Variants in MDGA2 observed in about 807,000 individuals in gnomAD.
MDGA2 encodes MAM domain-containing glycosylphosphatidylinositol anchor protein 2.
In MDGA2, 40 loss-of-function variants were observed where a neutral mutation model predicts 117.8. That is an observed-to-expected ratio of 0.34 (90% confidence interval 0.26 to 0.44). The LOEUF (loss-of-function observed/expected upper bound fraction) is 0.44. Among genes scored for constraint, MDGA2 ranks in the 20% least tolerant of loss-of-function variants. MDGA2 has a pLI of 1.00. For missense variants in MDGA2, 1,123 were observed against 1,250.6 expected (o/e 0.90, Z 1.54); for synonymous variants, 452 against 439.0 (o/e 1.03, Z -0.37).
intron 8 of MDGA2, among the ~76,000 whole-genome samples, chr14:46,998,236 G>A (rs1218327116): frequency 2.6e-5 from 4 of 152,040 alleles, no homozygotes; most frequent in Non-Finnish European, 4.4e-5. Context: ...TTGATCCCAC[G>A]AGTTTGAGAC....
At chr14:47,028,165 A>G (rs940763863) in intron 8 of MDGA2, among the ~76,000 whole-genome samples, 3 of 152,178 alleles carry the variant, frequency 2.0e-5, no homozygotes, top group African/African-American at 7.2e-5. Flanking sequence ...CATTATCCTT[A>G]TAGTGGCAAT....
At chr14:46,974,459 C>G (rs530768184) in intron 8 of MDGA2, among the ~76,000 whole-genome samples, 1 of 152,106 alleles carries the variant, frequency 6.6e-6, no homozygotes, top group East Asian at 1.9e-4. Flanking sequence ...AAGACTCGCA[C>G]TTCTTGATTT....
chr14:47,341,099 TCA>T (rs1395734922), intron 1 of MDGA2, among the ~76,000 whole-genome samples: 5 of 152,292 alleles, frequency 3.3e-5, no homozygotes, highest in Admixed American at 3.3e-4. Flanking sequence ...GAAACTGCAT[TCA>T]GTTTCATCTG....
intron 3 of MDGA2, among the ~76,000 whole-genome samples, chr14:47,161,668 A>AT: frequency 6.6e-6 from 1 of 151,588 alleles, no homozygotes; most frequent in Non-Finnish European, 1.5e-5. Context: ...TAAAGCAAAA[A>AT]TTTTAGATGC....
rs550237880 is a variant in MDGA2 at position 47,375,080 on chromosome 14, T to C, written c.281-73530A>G. 6.5e-4 allele frequency among the ~76,000 whole-genome samples: 99 copies of C among 151,372 alleles called. 1 individual carries two copies. In the South Asian group the frequency reaches 0.02, roughly 30 times the overall value. ...TGGTTACTTAACCTTTCAAAACCTG[T>C]TTTTTTTAATTTTTTTAAAATTTTT... On this transcript the variant is annotated intron_variant, in intron 1 of 16. Coordinates refer to ENST00000399232, the MANE Select transcript of MDGA2 (RefSeq NM_001113498.3).
At chr14:46,952,256 T>C (rs1226325703) in intron 9 of MDGA2, among the ~76,000 whole-genome samples, 1 of 151,862 alleles carries the variant, frequency 6.6e-6, no homozygotes. Context: ...AAAAAGTGTC[T>C]AAAATTATTG....
At chr14:47,015,625 G>A (rs1312220302) in intron 8 of MDGA2, among the ~76,000 whole-genome samples, 1 of 151,966 alleles carries the variant, frequency 6.6e-6, no homozygotes, top group Non-Finnish European at 1.5e-5. Flanking sequence ...CAAGGCTAAA[G>A]GATTTGCAAT....
chr14:47,614,675 C>T (rs535604543), intron 1 of MDGA2, among the ~76,000 whole-genome samples: 2 of 152,250 alleles, frequency 1.3e-5, no homozygotes, highest in South Asian at 2.1e-4. Flanking sequence ...AGATCTAAAT[C>T]GCTATCTGAT....
intron 3 of MDGA2, among the ~76,000 whole-genome samples, chr14:47,213,727 C>T (rs1357181950): frequency 6.6e-6 from 1 of 152,036 alleles, no homozygotes; most frequent in Non-Finnish European, 1.5e-5. Context: ...TTTTCCTGTT[C>T]TTGTTTCATG....
At chr14:47,332,146 T>C (rs1890310693) in intron 1 of MDGA2, among the ~76,000 whole-genome samples, 1 of 152,036 alleles carries the variant, frequency 6.6e-6, no homozygotes, top group African/African-American at 2.4e-5. Flanking sequence ...AAATCTAAAC[T>C]TCTTTAACTC....
In MDGA2 at chr14:47,218,090, G is replaced by C; in HGVS notation, c.526C>G (p.Arg176Gly). The change falls in exon 3 of 17, where the codon CGG (arginine) becomes GGG (glycine). Residue 176 changes from arginine (R) to glycine (G), a missense_variant. Around this residue, in one of 2 missense-constraint regions of MDGA2, gnomAD observed 890 missense variants for 1,050.3 expected, o/e 0.85. Coordinates refer to ENST00000399232, the MANE Select transcript of MDGA2 (RefSeq NM_001113498.3). Reference protein sequence around the residue: ...ITNIQRHQGGRYYCKAENGLG... With the variant: ...ITNIQRHQGGGYYCKAENGLG... Reference sequence around the variant, plus strand: ...CCATTCTCTGCTTTACAGTAATACCGGCCTCCTTGGTGTCGCTGAATATTT... The same window carrying C: ...CCATTCTCTGCTTTACAGTAATACCCGCCTCCTTGGTGTCGCTGAATATTT... 1.9e-6 allele frequency: 3 copies of C among 1,551,120 alleles called. No individual in the cohort carries two copies. Among genetic ancestry groups the C allele is most frequent in the Non-Finnish European group, 2.6e-6 (3 of 1,146,644 alleles).
Position 46,922,661 on chromosome 14 carries a change from C to T in MDGA2, c.2090-2501G>A, listed in dbSNP as rs974406315. ...AATACCCTAGGTTATTCTGATGCAA[C>T]GAAATACAGACCTTACAATTTGGAA... On this transcript the variant is annotated intron_variant, in intron 9 of 16. Coordinates refer to ENST00000399232, the MANE Select transcript of MDGA2 (RefSeq NM_001113498.3). 2.6e-5 allele frequency among the ~76,000 whole-genome samples: 4 copies of T among 152,208 alleles called. 1 individual carries two copies. Among genetic ancestry groups the T allele is most frequent in the African/African-American group, 7.2e-5 (3 of 41,526 alleles).
At chr14:47,126,837 G>A (rs115689136) in intron 5 of MDGA2, among the ~76,000 whole-genome samples, 2,468 of 152,204 alleles carry the variant, frequency 0.016, 64 homozygotes, top group African/African-American at 0.056. Flanking sequence ...TAACTGTTCT[G>A]CAGTAAGAAC....
intron 1 of MDGA2, among the ~76,000 whole-genome samples, chr14:47,576,704 ACTT>A (rs774352418): frequency 6.6e-6 from 1 of 152,124 alleles, no homozygotes; most frequent in Non-Finnish European, 1.5e-5. Context: ...TTAACTGATA[ACTT>A]CTTTAGCTCA....
intron 3 of MDGA2, among the ~76,000 whole-genome samples, chr14:47,144,786 C>A (rs1882870360): frequency 6.7e-6 from 1 of 149,764 alleles, no homozygotes; most frequent in African/African-American, 2.5e-5. Context: ...GTAGCTGAGA[C>A]TACAGGCATG....
At chr14:47,144,815 A>ATTTTT (rs60842690) in intron 3 of MDGA2, among the ~76,000 whole-genome samples, 6 of 130,438 alleles carry the variant, frequency 4.6e-5, no homozygotes, top group African/African-American at 1.5e-4. Flanking sequence ...TGCCCGGCTA[A>ATTTTT]TTTTTTTTTT....
chr14:47,005,895 T>C (rs1887691991), intron 8 of MDGA2, among the ~76,000 whole-genome samples: 1 of 151,672 alleles, frequency 6.6e-6, no homozygotes, highest in Admixed American at 6.6e-5. Flanking sequence ...GCAAATCTAT[T>C]GTTAAAATTT....
chr14:47,121,487 A>C (rs972285062), intron 5 of MDGA2, among the ~76,000 whole-genome samples: 2 of 152,000 alleles, frequency 1.3e-5, no homozygotes, highest in African/African-American at 4.8e-5. Context: ...ATTACTTCTG[A>C]ATATATATAT....
chr14:46,924,811 T>C (rs936654197), intron 9 of MDGA2, among the ~76,000 whole-genome samples: 2 of 152,080 alleles, frequency 1.3e-5, no homozygotes, highest in African/African-American at 4.8e-5. Context: ...TCTTTTTAGA[T>C]GTATGTTTGC....
Sources: allele counts gnomAD v4.1 joint callset (sites outside exome capture counted in the v4.1 genomes callset), GRCh38; gene constraint gnomAD v4.1.1; regional missense constraint gnomAD v4.1.1; transcripts MANE v1.5; gene names NCBI Gene and HGNC (gene_info 2026-07-23, HGNC 2026-07-21).